Variants in ARSB observed in about 807,000 individuals in gnomAD.
ARSB encodes N-acetylgalactosamine-4-sulfatase.
Under a neutral mutation model 50.9 loss-of-function variants are expected in ARSB, and 41 were observed. That is an observed-to-expected ratio of 0.81 (90% CI 0.63 to 1.04). The LOEUF is 1.04. Among genes scored for constraint, ARSB ranks in the 50% least tolerant of loss-of-function variants. ARSB has a pLI of 0.00. For missense variants in ARSB, 672 were observed against 693.3 expected, an observed-to-expected ratio of 0.97 and a Z score of 0.35; for synonymous variants, 269 against 284.8, an observed-to-expected ratio of 0.94 and a Z score of 0.56.
chr5:78,939,772 T>C (rs987789906), intron 4 of ARSB, among the ~76,000 whole-genome samples: 1 of 152,134 alleles, frequency 6.6e-6, no homozygotes, highest in Non-Finnish European at 1.5e-5. Flanking sequence ...AGCAGCATGA[T>C]TTATAATCCT....
chr5:78,800,304 C>A (rs2112644240), intron 6 of ARSB, among the ~76,000 whole-genome samples: 1 of 145,278 alleles, frequency 6.9e-6, no homozygotes, highest in Non-Finnish European at 1.5e-5. Flanking sequence ...GGTGACAGAG[C>A]AAGACTCCAT....
chr5:78,856,121 T>G (rs548265493), intron 5 of ARSB, among the ~76,000 whole-genome samples: 2 of 152,338 alleles, frequency 1.3e-5, no homozygotes, highest in South Asian at 2.1e-4. Context: ...CAGCACTATT[T>G]TTTTGAAAGG....
intron 3 of ARSB, among the ~76,000 whole-genome samples, chr5:78,959,342 T>C (rs1179484371): frequency 6.1e-5 from 5 of 82,416 alleles, no homozygotes; most frequent in South Asian, 8.5e-4. Flanking sequence ...TCAGGCAGCT[T>C]TTTTTTTTTT....
At chr5:78,811,879 C>A (rs1006471830) in intron 6 of ARSB, among the ~76,000 whole-genome samples, 6 of 152,060 alleles carry the variant, frequency 3.9e-5, no homozygotes, top group Admixed American at 6.6e-5. Context: ...TGAAAAAACA[C>A]TAATTATAAA....
chr5:78,800,635 G>A (rs952101424), intron 6 of ARSB, among the ~76,000 whole-genome samples: 2 of 152,188 alleles, frequency 1.3e-5, no homozygotes, highest in Non-Finnish European at 2.9e-5. Flanking sequence ...TGGAGGGTGT[G>A]CAAGGTACTG....
chr5:78,806,641 C>A (rs1743577076), intron 6 of ARSB, among the ~76,000 whole-genome samples: 1 of 152,226 alleles, frequency 6.6e-6, no homozygotes. Context: ...CCACGCACAG[C>A]ACTCTACATT....
chr5:78,780,327 A>G lies in ARSB; in HGVS notation c.*70T>C. The G allele has an allele frequency of 1.2e-6, 2 of 1,606,322 alleles. No individual in the cohort carries two copies. Among genetic ancestry groups the G allele is most frequent in the Non-Finnish European group, 1.7e-6 (2 of 1,175,834 alleles). Reference sequence around the variant, plus strand: ...TGAACCCAGGTTGGGATAACAAATGAGACAAGAGTCGTGAGAAAAGGCCTG... The same window carrying G: ...TGAACCCAGGTTGGGATAACAAATGGGACAAGAGTCGTGAGAAAAGGCCTG... On this transcript the variant is annotated 3_prime_UTR_variant, in exon 8 of 8. Transcript: ENST00000264914.
chr5:78,968,169 T>C (rs567020682), intron 2 of ARSB, among the ~76,000 whole-genome samples: 17 of 151,908 alleles, frequency 1.1e-4, no homozygotes, highest in South Asian at 1.0e-3. Context: ...AACTTTGTGA[T>C]TGCAAAAACA....
chr5:78,786,283 C>T (rs752351176), intron 6 of ARSB, among the ~76,000 whole-genome samples: 2 of 152,152 alleles, frequency 1.3e-5, no homozygotes, highest in Non-Finnish European at 2.9e-5. Context: ...TTTCACTTGG[C>T]ATAATGTTCT....
chr5:78,906,680 A>G (rs528032108), intron 4 of ARSB, among the ~76,000 whole-genome samples: 2 of 152,330 alleles, frequency 1.3e-5, no homozygotes, highest in Non-Finnish European at 2.9e-5. Context: ...CGAAAACCTC[A>G]ATTACTTTAG....
intron 6 of ARSB, among the ~76,000 whole-genome samples, chr5:78,821,060 A>G (rs1363928098): frequency 6.6e-6 from 1 of 152,230 alleles, no homozygotes. Context: ...TGGTCTATAA[A>G]GTCAAAACTG....
chr5:78,810,336 G>C (rs1743760076), intron 6 of ARSB, among the ~76,000 whole-genome samples: 2 of 152,206 alleles, frequency 1.3e-5, no homozygotes, highest in African/African-American at 4.8e-5. Flanking sequence ...AGAGAGAACT[G>C]AGTTGTGAAA....
At chr5:78,961,642 G>A (rs1561528769) in intron 3 of ARSB, among the ~76,000 whole-genome samples, 1 of 152,084 alleles carries the variant, frequency 6.6e-6, no homozygotes, top group Non-Finnish European at 1.5e-5. Context: ...TTAATGTTAT[G>A]GAACCCTGTG....
intron 4 of ARSB, among the ~76,000 whole-genome samples, chr5:78,897,908 A>C (rs1748640706): frequency 6.6e-6 from 1 of 152,188 alleles, no homozygotes; most frequent in Non-Finnish European, 1.5e-5. Context: ...ATCTAAGTTC[A>C]TTCAGGAAAA....
chr5:78,834,050 T>C (rs1448297265), intron 6 of ARSB, among the ~76,000 whole-genome samples: 2 of 152,176 alleles, frequency 1.3e-5, no homozygotes, highest in Non-Finnish European at 2.9e-5. Flanking sequence ...ACAATGACTT[T>C]GACAGGTTGA....
At chr5:78,798,237 C>T (rs967126782) in intron 6 of ARSB, among the ~76,000 whole-genome samples, 17 of 152,242 alleles carry the variant, frequency 1.1e-4, no homozygotes, top group African/African-American at 4.1e-4. Flanking sequence ...AGACAGCCAT[C>T]TCCAGTTCTG....
chr5:78,780,391 G>A lies in ARSB; in HGVS notation c.*6C>T. On this transcript the variant is annotated 3_prime_UTR_variant, in exon 8 of 8. Coordinates refer to ENST00000264914, the MANE Select transcript of ARSB (RefSeq NM_000046.5). ...AATTGAAAGGTTTTCTAGCCTCCCT[G>A]AAATCCTACATCCAAGGGCCCCACA... The A allele has an allele frequency of 6.2e-7, 1 of 1,613,990 alleles. No individual in the cohort carries two copies. The highest frequency in any genetic ancestry group is 8.5e-7 in the Non-Finnish European group (1 of 1,180,004).
intron 1 of ARSB, among the ~76,000 whole-genome samples, chr5:78,977,103 A>T (rs1267843046): frequency 6.6e-6 from 1 of 151,996 alleles, no homozygotes. Flanking sequence ...TCTTCTCCAC[A>T]TGTATTGTCA....
intron 4 of ARSB, among the ~76,000 whole-genome samples, chr5:78,946,519 C>A (rs1326658704): frequency 6.6e-6 from 1 of 151,950 alleles, no homozygotes; most frequent in Non-Finnish European, 1.5e-5. Context: ...ACAATAGCTA[C>A]CAATAAAATA....
Sources: allele counts gnomAD v4.1 joint callset (sites outside exome capture counted in the v4.1 genomes callset), GRCh38; gene constraint gnomAD v4.1.1; transcripts MANE v1.5; gene names NCBI Gene and HGNC (gene_info 2026-07-23, HGNC 2026-07-21).